The following C2CD3 variants were observed in gnomAD, a reference collection of about 807,000 sequenced individuals.
C2CD3 encodes C2 domain containing 3 centriole elongation regulator.
C2CD3 carries 148 observed loss-of-function variants against 234.0 expected under a neutral mutation model. That is an observed-to-expected ratio of 0.63 (90% CI 0.55 to 0.72). The LOEUF is 0.72. Ranked by LOEUF, C2CD3 falls within the 30% of genes least tolerant of loss-of-function variation. C2CD3 has a pLI of 0.00. For synonymous variants in C2CD3, 1,000 were observed against 1,035.4 expected, an observed-to-expected ratio of 0.97 and a Z score of 0.66; for missense variants, 2,577 against 2,811.5, an observed-to-expected ratio of 0.92 and a Z score of 1.89.
intron 20 of C2CD3, 84 bp from the exon 21 acceptor site, chr11:74,085,970 T>C: frequency 7.5e-7 from 1 of 1,337,170 alleles, no homozygotes; most frequent in South Asian, 1.5e-5. Flanking sequence ...ACTTCATTAC[T>C]TCTATGAGAC....
At chr11:74,152,232 C>T (rs1405264933) in intron 3 of C2CD3, among the ~76,000 whole-genome samples, 1 of 152,118 alleles carries the variant, frequency 6.6e-6, no homozygotes, top group Non-Finnish European at 1.5e-5. Context: ...ATCACAATTG[C>T]TTTAGACGTT....
intron 31 of C2CD3, among the ~76,000 whole-genome samples, chr11:74,032,081 TTC>T (rs1243634084): frequency 6.6e-6 from 1 of 152,210 alleles, no homozygotes; most frequent in Non-Finnish European, 1.5e-5. Context: ...TACCAATCCC[TTC>T]TCTGTGTAGT....
At chr11:74,116,789 TAC>T (rs530983615) in intron 9 of C2CD3, among the ~76,000 whole-genome samples, 25 of 145,462 alleles carry the variant, frequency 1.7e-4, no homozygotes, top group Middle Eastern at 3.5e-3. Context: ...TGTATATATA[TAC>T]ACACACACAC....
intron 12 of C2CD3, 125 bp from the exon 13 acceptor site, chr11:74,106,618 T>A: frequency 1.2e-6 from 1 of 834,070 alleles, no homozygotes; most frequent in Non-Finnish European, 1.8e-6. Flanking sequence ...CTTAATTATC[T>A]AAGACAACTC....
At chr11:74,165,985 G>A (rs901476382) in intron 2 of C2CD3, among the ~76,000 whole-genome samples, 1 of 150,790 alleles carries the variant, frequency 6.6e-6, no homozygotes. Flanking sequence ...GAGCCACCAC[G>A]TTCAGCCTCT....
At chr11:74,048,152 A>T in intron 28 of C2CD3, 53 bp downstream of exon 28, 1 of 1,578,896 alleles carries the variant, frequency 6.3e-7, no homozygotes, top group Admixed American at 1.7e-5. Flanking sequence ...AAGCCAGTTC[A>T]CACACTTCCA....
At chr11:74,138,686 T>G in intron 5 of C2CD3, 34 bp downstream of exon 5, 1 of 1,574,416 alleles carries the variant, frequency 6.4e-7, no homozygotes, top group African/African-American at 1.3e-5. Context: ...ATAAACGTAG[T>G]TTAGTCTGAC....
chr11:74,109,492 T>C (rs1048816078), intron 11 of C2CD3: 10 of 186,680 alleles, frequency 5.4e-5, no homozygotes, highest in Middle Eastern at 2.0e-3. Context: ...AAGACTAGTT[T>C]GTAGGTAGTA....
chr11:74,167,250 A>G lies in C2CD3; in HGVS notation c.325+1094T>C, dbSNP rs190227508. Among the ~76,000 whole-genome samples the G allele has an allele frequency of 5.3e-5, 8 of 152,318 alleles. No individual in the cohort carries two copies. In the East Asian group the frequency reaches 1.5e-3, roughly 29 times the overall value. ...TAATAAATACCTTCTCTCTTATTGA[A>G]TTTCTAATCACTCCTCATTTGTTAT... On this transcript the variant is annotated intron_variant, in intron 2 of 32. Coordinates refer to ENST00000334126, the MANE Select transcript of C2CD3 (RefSeq NM_001286577.2).
chr11:74,133,483 T>G lies in C2CD3; in HGVS notation c.1030A>C (p.Met344Leu). The change falls in exon 6 of 33, where the codon ATG (methionine) becomes CTG (leucine). Residue 344 changes from methionine to leucine, a missense_variant. Met to Leu is a conservative substitution (Grantham distance 15). Coordinates refer to ENST00000334126, the MANE Select transcript of C2CD3 (RefSeq NM_001286577.2). The part of the protein sequence containing the change: ...SAMKSSPETS[M>L]LLDQVHPPIN... ...GGAGGATGAACTTGGTCCAACAACA[T>G]GCTGGTCTCTGGGCTTGATTTCATT... The G allele has an allele frequency of 1.9e-6, 3 of 1,613,922 alleles. No individual in the cohort carries two copies. Among genetic ancestry groups the G allele is most frequent in the Non-Finnish European group, 2.5e-6 (3 of 1,179,792 alleles).
At chr11:74,150,864 T>G (rs1262455859) in intron 3 of C2CD3, among the ~76,000 whole-genome samples, 2 of 152,118 alleles carry the variant, frequency 1.3e-5, no homozygotes, top group African/African-American at 4.8e-5. Context: ...TTTTTACAAT[T>G]GGTTTCTATG....
chr11:74,115,548 C>T (rs12805746), intron 9 of C2CD3, among the ~76,000 whole-genome samples: 1 of 152,084 alleles, frequency 6.6e-6, no homozygotes, highest in African/African-American at 2.4e-5. Flanking sequence ...GACCATACTG[C>T]CAAAAGCAAT....
chr11:74,068,261 T>A (rs1323691901), intron 24 of C2CD3, among the ~76,000 whole-genome samples: 1 of 152,166 alleles, frequency 6.6e-6, no homozygotes, highest in Admixed American at 6.5e-5. Context: ...CCTTTTTCGG[T>A]CTTAAGCTTC....
At position 74,095,272 on chromosome 11, in the gene C2CD3, T is replaced by C; in HGVS notation, c.3116A>G (p.His1039Arg). The C allele has an allele frequency of 6.2e-7, 1 of 1,613,662 alleles. No homozygotes were observed. The highest frequency in any genetic ancestry group is 8.5e-7 in the Non-Finnish European group (1 of 1,179,756). ...TCCTTTCAGCACACTGGATTGAGAG[T>C]GTTGAACTGGAAAGTAGTACTGGAC... is the stretch of plus-strand genomic sequence containing the variant. The part of the protein sequence containing the change: ...CYVQYYFPVQ[H>R]SQSSVLKGPE... The change falls in exon 17 of 33, where the codon CAC (histidine) becomes CGC (arginine). Residue 1039 changes from histidine (H) to arginine (R), a missense_variant. By Grantham distance (29) the His-to-Arg change is conservative. Coordinates refer to ENST00000334126, the MANE Select transcript of C2CD3 (RefSeq NM_001286577.2).
intron 3 of C2CD3, among the ~76,000 whole-genome samples, chr11:74,158,773 T>C (rs2135566693): frequency 6.6e-6 from 1 of 151,828 alleles, no homozygotes; most frequent in Non-Finnish European, 1.5e-5. Context: ...ACTATGATTA[T>C]GGAAAGGCAA....
chr11:74,139,330 C>T (rs903949036), intron 4 of C2CD3, among the ~76,000 whole-genome samples: 1 of 152,190 alleles, frequency 6.6e-6, no homozygotes, highest in East Asian at 1.9e-4. Flanking sequence ...GAACATCTGT[C>T]CTGCATCTGG....
chr11:74,087,535 G>C (rs1955694269), intron 20 of C2CD3, among the ~76,000 whole-genome samples: 1 of 151,636 alleles, frequency 6.6e-6, no homozygotes, highest in Admixed American at 6.6e-5. Context: ...GTGCACTCTA[G>C]CCAGGGCGAC....
At chr11:74,065,460 T>C (rs552084107) in intron 24 of C2CD3, among the ~76,000 whole-genome samples, 26 of 152,336 alleles carry the variant, frequency 1.7e-4, no homozygotes, top group Middle Eastern at 3.4e-3. Flanking sequence ...TTTACACTGT[T>C]GGTGGGACTA....
intron 13 of C2CD3, among the ~76,000 whole-genome samples, chr11:74,105,035 CAAG>C (rs1238160412): frequency 6.6e-6 from 1 of 151,878 alleles, no homozygotes; most frequent in Non-Finnish European, 1.5e-5. Flanking sequence ...TTACTAAGAC[CAAG>C]AAGAGAGACA....
Sources: gnomAD v4.1 joint callset for allele counts (sites outside exome capture counted in the v4.1 genomes callset) on GRCh38, gnomAD v4.1.1 for gene constraint, MANE v1.5 for transcripts, NCBI Gene and HGNC (gene_info 2026-07-23, HGNC 2026-07-21) for gene names.